The following CYP4F22 variants were observed in gnomAD, a reference collection of about 807,000 sequenced individuals.
CYP4F22 encodes ultra-long-chain fatty acid omega-hydroxylase.
In CYP4F22, 37 loss-of-function variants were observed where a neutral mutation model predicts 60.4. The observed-to-expected ratio is 0.61, with a 90% CI of 0.47 to 0.81. The LOEUF (loss-of-function observed/expected upper bound fraction) is 0.81. CYP4F22 is among the 30% of genes least tolerant of loss of function. The probability of loss-of-function intolerance (pLI) is 0.00; values close to 1 mark genes in which losing one functional copy is unlikely to be tolerated. For synonymous variants in CYP4F22, 258 were observed against 280.5 expected (o/e 0.92, Z 0.80); for missense variants, 655 against 715.0 (o/e 0.92, Z 0.96).
chr19:15,540,893 T>A (rs1385214420), intron 8 of CYP4F22, among the ~76,000 whole-genome samples, 176 bp downstream of exon 8: 1 of 152,226 alleles, frequency 6.6e-6, no homozygotes, highest in Non-Finnish European at 1.5e-5. Context: ...GAGATCAGCC[T>A]GGGCAACACA....
At chr19:15,535,023 A>G (rs925765428) in intron 4 of CYP4F22, among the ~76,000 whole-genome samples, 7 of 152,184 alleles carry the variant, frequency 4.6e-5, no homozygotes, top group African/African-American at 1.4e-4. Flanking sequence ...CACGGGAAGT[A>G]TTTGAACAAG....
Position 15,537,185 on chromosome 19 carries a change from C to T in CYP4F22, c.368-176C>T, listed in dbSNP as rs145745626. 0.11 allele frequency among the ~76,000 whole-genome samples: 16,618 copies of T among 152,100 alleles called. 1,070 individuals are homozygous for T. The highest frequency in any genetic ancestry group is 0.25 in the East Asian group (1,295 of 5,174). On this transcript the variant is annotated intron_variant, in intron 4 of 13. Coordinates refer to ENST00000269703, the MANE Select transcript of CYP4F22 (RefSeq NM_173483.4). ...GCATGGTGGCGGACACCTGTAATCC[C>T]AGCTACTCAGGAGGCAGAGGCAGGA... is the stretch of plus-strand genomic sequence containing the variant.
At chr19:15,547,998 AGAGAGTGTGTGTGTGTGTGTGTGTGTGT>A (rs1971549665) in intron 10 of CYP4F22, 82 bp from the exon 11 acceptor site, 3 of 317,668 alleles carry the variant, frequency 9.4e-6, no homozygotes, top group African/African-American at 9.6e-5. Flanking sequence ...AGAGAGAGGG[AGAGAGTGTGTGTGTGTGTGTGTGTGTGT>A]GTGTGTGTGT....
intron 1 of CYP4F22, among the ~76,000 whole-genome samples, chr19:15,508,915 C>T (rs918719636): frequency 1.3e-5 from 2 of 152,018 alleles, no homozygotes; most frequent in African/African-American, 2.4e-5. Flanking sequence ...TCCAAAAGAC[C>T]CCTCTGGTAG....
Position 15,543,964 on chromosome 19 carries a change from A to G in CYP4F22, c.940-7A>G, listed in dbSNP as rs370091518. The stretch of plus-strand genomic sequence containing the variant: ...GTGGGCTGAGCACCCTCTACTGCCC[A>G]TTCCAGGATGAAGATGGAAAGGAAC... On this transcript the variant is annotated splice_polypyrimidine_tract_variant and splice_region_variant and intron_variant, in intron 8 of 13. Coordinates refer to ENST00000269703, the MANE Select transcript of CYP4F22 (RefSeq NM_173483.4). 9.4e-5 allele frequency: 152 copies of G among 1,613,746 alleles called. No individual in the cohort carries two copies. The highest frequency in any genetic ancestry group is 1.2e-4 in the Non-Finnish European group (136 of 1,179,998).
At chr19:15,520,528 A>G (rs981867387) in intron 1 of CYP4F22, among the ~76,000 whole-genome samples, 11 of 151,702 alleles carry the variant, frequency 7.3e-5, no homozygotes, top group African/African-American at 2.7e-4. Flanking sequence ...TACTTCACTC[A>G]CAGGGGTACC....
intron 13 of CYP4F22, 64 bp from the exon 14 acceptor site, chr19:15,551,230 G>A: frequency 6.4e-7 from 1 of 1,568,584 alleles, no homozygotes; most frequent in South Asian, 1.2e-5. Flanking sequence ...AAGGAGGCAT[G>A]TGACCCCCGG....
chr19:15,510,072 C>T (rs574572286), intron 1 of CYP4F22, among the ~76,000 whole-genome samples: 1 of 151,834 alleles, frequency 6.6e-6, no homozygotes, highest in Non-Finnish European at 1.5e-5. Context: ...GCCTCGATCT[C>T]CTGGGTTCAA....
At chr19:15,550,294 A>G (rs1241793992) in intron 12 of CYP4F22, among the ~76,000 whole-genome samples, 3 of 149,360 alleles carry the variant, frequency 2.0e-5, no homozygotes, top group Non-Finnish European at 2.9e-5. Context: ...CTAACAAACA[A>G]ACAAACAAAC....
intron 4 of CYP4F22, 120 bp downstream of exon 4, chr19:15,529,973 T>C: frequency 7.0e-7 from 1 of 1,430,866 alleles, no homozygotes; most frequent in East Asian, 2.3e-5. Flanking sequence ...GAAGGATGAA[T>C]AAGAGTTTGG....
chr19:15,546,752 T>G (rs562958393), intron 10 of CYP4F22, among the ~76,000 whole-genome samples: 2 of 152,056 alleles, frequency 1.3e-5, no homozygotes, highest in African/African-American at 2.4e-5. Context: ...TCTTTTTTTC[T>G]TTCTTTCTTT....
intron 10 of CYP4F22, among the ~76,000 whole-genome samples, chr19:15,547,077 G>A (rs2144543860): frequency 7.2e-6 from 1 of 139,036 alleles, no homozygotes; most frequent in Admixed American, 7.7e-5. Flanking sequence ...AGGCTAGAGT[G>A]TAGTGGTGCA....
intron 4 of CYP4F22, among the ~76,000 whole-genome samples, chr19:15,535,846 T>C (rs1468230039): frequency 1.3e-5 from 2 of 152,144 alleles, no homozygotes; most frequent in Non-Finnish European, 2.9e-5. Flanking sequence ...GCACAACATA[T>C]CAGTAATCAA....
chr19:15,549,795 C>A (rs562841730), intron 12 of CYP4F22, among the ~76,000 whole-genome samples: 1 of 127,116 alleles, frequency 7.9e-6, no homozygotes, highest in Non-Finnish European at 1.7e-5. Flanking sequence ...CACAGTGAGA[C>A]CCCATTTCTA....
intron 10 of CYP4F22, among the ~76,000 whole-genome samples, chr19:15,545,966 G>C (rs1256918978): frequency 1.3e-5 from 2 of 152,056 alleles, no homozygotes; most frequent in Non-Finnish European, 2.9e-5. Flanking sequence ...TTTATGCCAG[G>C]GATGCTGTTT....
chr19:15,528,480 C>T (rs565322850), intron 3 of CYP4F22, among the ~76,000 whole-genome samples: 6 of 152,102 alleles, frequency 3.9e-5, no homozygotes, highest in Non-Finnish European at 7.3e-5. Flanking sequence ...AGGTGCAATG[C>T]GCTACTCTGC....
At chr19:15,516,796 G>T in intron 1 of CYP4F22, 3 of 550,570 alleles carry the variant, frequency 5.4e-6, no homozygotes, top group Non-Finnish European at 2.9e-6. Context: ...AGGATCTCAT[G>T]AGAGGTCCAT....
chr19:15,545,188 GGCAGGACATATACTCCACTCACCTGA>G (rs1971508052), intron 10 of CYP4F22, among the ~76,000 whole-genome samples: 1 of 152,020 alleles, frequency 6.6e-6, no homozygotes, highest in South Asian at 2.1e-4. Context: ...GCATGAATGG[GGCAGGACATATACTCCACTCACCTGA>G]GCAGAAGGCA....
chr19:15,520,727 A>G (rs2436477), intron 1 of CYP4F22, among the ~76,000 whole-genome samples: 6,804 of 148,692 alleles, frequency 0.046, 503 homozygotes, highest in African/African-American at 0.16. Flanking sequence ...AGCGGGTACT[A>G]CAGGCGAATG....
Sources: gnomAD v4.1 joint callset for allele counts (sites outside exome capture counted in the v4.1 genomes callset) on GRCh38, gnomAD v4.1.1 for gene constraint, MANE v1.5 for transcripts, NCBI Gene and HGNC (gene_info 2026-07-23, HGNC 2026-07-21) for gene names.